The following GPR19 variants were observed in gnomAD, a reference collection of about 807,000 sequenced individuals.
GPR19 encodes the protein G protein-coupled receptor 19.
GPR19 carries 14 observed loss-of-function variants against 28.5 expected under a neutral mutation model. The observed-to-expected ratio is 0.49, with a 90% CI of 0.32 to 0.77. The LOEUF (loss-of-function observed/expected upper bound fraction) is 0.77. Among genes scored for constraint, GPR19 ranks in the 30% least tolerant of loss-of-function variants. The pLI, the probability that GPR19 is intolerant of heterozygous loss-of-function variation, is 0.03. For synonymous variants in GPR19, 173 were observed against 184.1 expected (o/e 0.94, Z 0.49); for missense variants, 409 against 504.1 (o/e 0.81, Z 1.81).
intron 3 of GPR19, among the ~76,000 whole-genome samples, chr12:12,664,617 C>T (rs889321695): frequency 2.4e-4 from 37 of 151,968 alleles, no homozygotes; most frequent in South Asian, 2.1e-4. Context: ...AGCAACCATA[C>T]ACTTTCCATA....
At chr12:12,684,667 C>T (rs962098207) in intron 2 of GPR19, 160 bp from the exon 3 acceptor site, 1 of 152,146 alleles carries the variant, frequency 6.6e-6, no homozygotes, top group South Asian at 2.1e-4. Flanking sequence ...ATGTGGCCAT[C>T]TTCTCCCTCC....
the GPR19 span, among the ~76,000 whole-genome samples, chr12:12,701,370 TATTAAC>T: frequency 1.3e-5 from 2 of 152,354 alleles, no homozygotes; most frequent in Non-Finnish European, 2.9e-5. Flanking sequence ...TTCTGAATTA[TATTAAC>T]ATTATCTCCC....
intron 2 of GPR19, among the ~76,000 whole-genome samples, chr12:12,692,608 C>G (rs147036946): frequency 3.3e-5 from 5 of 152,158 alleles, no homozygotes; most frequent in African/African-American, 1.2e-4. Flanking sequence ...AGAACCAGAA[C>G]CCCATACTGG....
intron 2 of GPR19, among the ~76,000 whole-genome samples, chr12:12,690,528 A>G (rs1337794775): frequency 6.6e-6 from 1 of 152,208 alleles, no homozygotes; most frequent in Non-Finnish European, 1.5e-5. Flanking sequence ...TTTCTCTAGG[A>G]GACCACATGG....
the GPR19 span, among the ~76,000 whole-genome samples, chr12:12,713,493 A>G: frequency 6.6e-6 from 1 of 152,040 alleles, no homozygotes; most frequent in African/African-American, 2.4e-5. Context: ...AGATAGCTGT[A>G]TGGCTGCTCT....
chr12:12,669,371 AATG>A (rs1648840455), intron 3 of GPR19, among the ~76,000 whole-genome samples: 1 of 147,968 alleles, frequency 6.8e-6, no homozygotes, highest in Admixed American at 6.6e-5. Context: ...TTTGAATTGA[AATG>A]AGGAAAAAAT....
At chr12:12,664,622 T>C (rs1041034114) in intron 3 of GPR19, among the ~76,000 whole-genome samples, 22 of 152,108 alleles carry the variant, frequency 1.4e-4, no homozygotes, top group Non-Finnish European at 2.9e-4. Flanking sequence ...CCATACACTT[T>C]CCATATAAGA....
chr12:12,661,248 T>C lies in GPR19; in HGVS notation c.1201A>G (p.Lys401Glu). ...DSFDREAKEKKLAWPINSNPP... is the reference protein window; with the variant it reads ...DSFDREAKEKELAWPINSNPP... ...TTTGAGTTAATGGGCCAAGCAAGCT[T>C]TTTTTCCTTGGCTTCTCTGTCAAAT... is the stretch of plus-strand genomic sequence containing the variant. The change falls in exon 4 of 4, where the codon AAG (lysine) becomes GAG (glutamate). Residue 401 changes from lysine (K) to glutamate (E), a missense_variant. Coordinates refer to ENST00000651487, the MANE Select transcript of GPR19 (RefSeq NM_006143.3). This position sits in a 1 kb window ranked among gnomAD's most constrained non-coding sequence, Gnocchi z 4.2. 6.2e-7 allele frequency: 1 copy of C among 1,612,622 alleles called. No individual in the cohort carries two copies. Among genetic ancestry groups the C allele is most frequent in the Non-Finnish European group, 8.5e-7 (1 of 1,179,406 alleles).
chr12:12,676,739 T>C (rs1473182254), intron 3 of GPR19, among the ~76,000 whole-genome samples: 1 of 152,196 alleles, frequency 6.6e-6, no homozygotes, highest in Non-Finnish European at 1.5e-5. Context: ...CTCTGTCAGT[T>C]TCTACACGTT....
intron 3 of GPR19, among the ~76,000 whole-genome samples, chr12:12,662,997 G>A (rs983755706): frequency 1.4e-4 from 22 of 152,332 alleles, no homozygotes; most frequent in African/African-American, 2.9e-4. Flanking sequence ...GAAGGGTGCT[G>A]TCCTTACTTA....
At chr12:12,690,786 T>C (rs1053625061) in intron 2 of GPR19, among the ~76,000 whole-genome samples, 3 of 152,200 alleles carry the variant, frequency 2.0e-5, no homozygotes, top group African/African-American at 7.2e-5. Flanking sequence ...CTAACTCAGA[T>C]ACAGAGCCAG....
chr12:12,696,769 T>G (rs908538454), upstream of GPR19, among the ~76,000 whole-genome samples: 4 of 152,248 alleles, frequency 2.6e-5, no homozygotes, highest in Non-Finnish European at 4.4e-5. Context: ...GTTTGCTCCC[T>G]TGACGTGTAA....
At chr12:12,696,339 CT>C (rs578240364), upstream of GPR19, 3 of 88,686 alleles carry the variant, frequency 3.4e-5, no homozygotes, top group African/African-American at 8.5e-5. Context: ...CCCACCCGCC[CT>C]TTTTTTTTTT....
chr12:12,714,684 A>G, the GPR19 span, among the ~76,000 whole-genome samples: 2 of 151,846 alleles, frequency 1.3e-5, no homozygotes, highest in Admixed American at 1.3e-4. Flanking sequence ...TTATCTGAAA[A>G]TTTTCCCCCT....
chr12:12,680,977 C>A (rs1342412053), intron 3 of GPR19, among the ~76,000 whole-genome samples: 1 of 152,070 alleles, frequency 6.6e-6, no homozygotes, highest in African/African-American at 2.4e-5. Flanking sequence ...GCGTGAGCAA[C>A]CATGCCTGGC....
chr12:12,689,643 T>G (rs1164705586), intron 2 of GPR19, among the ~76,000 whole-genome samples: 1 of 152,342 alleles, frequency 6.6e-6, no homozygotes, highest in South Asian at 2.1e-4. Context: ...CATCCACAAA[T>G]TCTTTGATAT....
chr12:12,664,328 T>C (rs186023416), intron 3 of GPR19, among the ~76,000 whole-genome samples: 5 of 152,116 alleles, frequency 3.3e-5, no homozygotes, highest in Admixed American at 1.3e-4. Flanking sequence ...TAATTTGTGG[T>C]AGAGAAAGAA....
upstream of GPR19, among the ~76,000 whole-genome samples, chr12:12,697,553 T>C (rs1263884277): frequency 2.0e-5 from 3 of 152,230 alleles, no homozygotes; most frequent in Non-Finnish European, 4.4e-5. Flanking sequence ...GGCAATTTTA[T>C]TGGACTCTGT....
At position 12,685,641 on chromosome 12, in the gene GPR19, T is replaced by C. The variant is rs1544727; in HGVS notation, c.-179-1134A>G. On this transcript the variant is annotated intron_variant, in intron 2 of 3. Coordinates refer to ENST00000651487, the MANE Select transcript of GPR19 (RefSeq NM_006143.3). The stretch of plus-strand genomic sequence containing the variant: ...TTTAAACAGTATTCTCAGAGCCAAA[T>C]TGGATTGCTGTCGGTCCTAAATCTT... Among the ~76,000 whole-genome samples the C allele has an allele frequency of 1.7e-3, 262 of 152,256 alleles. 4 individuals carry two copies. The highest frequency in any genetic ancestry group is 0.014 in the East Asian group (71 of 5,178).
Sources: allele counts gnomAD v4.1 joint callset (sites outside exome capture counted in the v4.1 genomes callset), GRCh38; gene constraint gnomAD v4.1.1; non-coding constraint Gnocchi (gnomAD v3.1); transcripts MANE v1.5; gene names NCBI Gene and HGNC (gene_info 2026-07-23, HGNC 2026-07-21).